The following RUNDC3B variants were observed in gnomAD, a reference collection of about 807,000 sequenced individuals.
The protein encoded by RUNDC3B is RUN domain containing 3B.
A neutral mutation model predicts 58.4 loss-of-function variants in RUNDC3B; 33 were observed. That is an observed-to-expected ratio of 0.56 (90% CI 0.43 to 0.75). The LOEUF is 0.75. Ranked by LOEUF, RUNDC3B falls within the 30% of genes least tolerant of loss-of-function variation. The pLI is 0.00. For missense variants in RUNDC3B, 501 were observed against 535.7 expected, an observed-to-expected ratio of 0.94 and a Z score of 0.64; for synonymous variants, 193 against 195.2, an observed-to-expected ratio of 0.99 and a Z score of 0.10.
chr7:87,812,661 T>C (rs1375815249), intron 9 of RUNDC3B, among the ~76,000 whole-genome samples: 1 of 152,156 alleles, frequency 6.6e-6, no homozygotes, highest in Non-Finnish European at 1.5e-5. Flanking sequence ...AAGGTAAAGA[T>C]TAAACTACAG....
chr7:87,822,525 A>T (rs1563233801), intron 10 of RUNDC3B, among the ~76,000 whole-genome samples: 1 of 152,242 alleles, frequency 6.6e-6, no homozygotes, highest in African/African-American at 2.4e-5. Flanking sequence ...TGACCCATCC[A>T]TCCCATTACT....
At chr7:87,688,735 G>A (rs1044390833) in intron 2 of RUNDC3B, among the ~76,000 whole-genome samples, 2 of 151,872 alleles carry the variant, frequency 1.3e-5, no homozygotes, top group East Asian at 1.9e-4. Context: ...TGTTTTGAAT[G>A]TCTAAAATTT....
intron 8 of RUNDC3B, among the ~76,000 whole-genome samples, chr7:87,799,900 A>G (rs1836038667): frequency 6.6e-6 from 1 of 151,994 alleles, no homozygotes; most frequent in Non-Finnish European, 1.5e-5. Flanking sequence ...AAAAAAAAAA[A>G]AAAAAAGAAT....
At chr7:87,748,861 G>A (rs1484924067) in intron 6 of RUNDC3B, among the ~76,000 whole-genome samples, 2 of 152,188 alleles carry the variant, frequency 1.3e-5, no homozygotes, top group Non-Finnish European at 2.9e-5. Flanking sequence ...TCTAATTTGG[G>A]TAAGTGGATT....
At chr7:87,710,680 A>C (rs531934112) in intron 4 of RUNDC3B, 25 bp downstream of exon 4, 1 of 1,303,404 alleles carries the variant, frequency 7.7e-7, no homozygotes, top group Non-Finnish European at 1.1e-6. Context: ...TTAATTTTCT[A>C]ATATATATTT....
chr7:87,810,094 A>G (rs1836631950), intron 9 of RUNDC3B, among the ~76,000 whole-genome samples: 1 of 152,152 alleles, frequency 6.6e-6, no homozygotes. Flanking sequence ...TGGGATGTCT[A>G]TAGCTATTTC....
At chr7:87,732,879 G>T (rs1270980715) in intron 4 of RUNDC3B, among the ~76,000 whole-genome samples, 1 of 152,164 alleles carries the variant, frequency 6.6e-6, no homozygotes, top group Admixed American at 6.5e-5. Flanking sequence ...AGTATAATGT[G>T]TGTGTAATTT....
At chr7:87,766,139 T>C (rs1430571015) in intron 6 of RUNDC3B, among the ~76,000 whole-genome samples, 1 of 152,170 alleles carries the variant, frequency 6.6e-6, no homozygotes, top group African/African-American at 2.4e-5. Flanking sequence ...TCCTGTTGCA[T>C]GATACATCTT....
intron 4 of RUNDC3B, among the ~76,000 whole-genome samples, chr7:87,712,818 A>G (rs780110003): frequency 9.9e-5 from 15 of 152,252 alleles, no homozygotes; most frequent in Middle Eastern, 6.8e-3. Flanking sequence ...TGTCATATAT[A>G]TGTATCTGAT....
chr7:87,686,051 A>G (rs1024903262), intron 2 of RUNDC3B, among the ~76,000 whole-genome samples: 3 of 152,196 alleles, frequency 2.0e-5, no homozygotes, highest in Non-Finnish European at 4.4e-5. Flanking sequence ...TGCTTTGGAA[A>G]TGAATCATAA....
intron 2 of RUNDC3B, among the ~76,000 whole-genome samples, chr7:87,695,564 G>C (rs1379000485): frequency 2.0e-5 from 3 of 151,998 alleles, no homozygotes; most frequent in Admixed American, 6.6e-5. Context: ...ATAGCTCAAA[G>C]GTAATAGTCT....
intron 2 of RUNDC3B, among the ~76,000 whole-genome samples, chr7:87,686,538 T>A (rs1264266419): frequency 6.6e-6 from 1 of 152,134 alleles, no homozygotes; most frequent in Admixed American, 6.5e-5. Context: ...AAAATAGAAA[T>A]TTAGCAGTAA....
At chr7:87,712,570 G>A (rs774546242) in intron 4 of RUNDC3B, among the ~76,000 whole-genome samples, 6 of 151,948 alleles carry the variant, frequency 3.9e-5, no homozygotes, top group Non-Finnish European at 5.9e-5. Context: ...TAAATTGTTA[G>A]TCTTGTTTCT....
At chr7:87,707,691 A>G (rs1829732665) in intron 3 of RUNDC3B, among the ~76,000 whole-genome samples, 1 of 151,896 alleles carries the variant, frequency 6.6e-6, no homozygotes, top group African/African-American at 2.4e-5. Context: ...AATAAAATAA[A>G]TAAATAAAAT....
At chr7:87,730,772 C>G (rs1831529227) in intron 4 of RUNDC3B, among the ~76,000 whole-genome samples, 2 of 151,996 alleles carry the variant, frequency 1.3e-5, no homozygotes, top group African/African-American at 4.8e-5. Context: ...AAGTGTTGTG[C>G]TGACTTTGGA....
At chr7:87,651,885 G>A (rs576121365) in intron 2 of RUNDC3B, among the ~76,000 whole-genome samples, 5 of 152,176 alleles carry the variant, frequency 3.3e-5, no homozygotes, top group Admixed American at 1.3e-4. Context: ...AATTTAAAAC[G>A]GGGTTTGTAA....
At position 87,828,652 on chromosome 7, in the gene RUNDC3B, CTT is replaced by C. The variant is rs542761258; in HGVS notation, c.1226-1231_1226-1230del. 1.9e-3 allele frequency among the ~76,000 whole-genome samples: 296 copies of C among 152,250 alleles called. 1 individual carries two copies. Among genetic ancestry groups the C allele is most frequent in the African/African-American group, 6.7e-3 (280 of 41,540 alleles). On this transcript the variant is annotated intron_variant, in intron 10 of 10. Transcript: ENST00000394654. ...ATGGGCTCCTAGGTTGATTCCATGTCTTTGCCATTGTGAATAGTGCTATGATG... is the reference window on the plus strand; with the variant it reads ...ATGGGCTCCTAGGTTGATTCCATGTCTGCCATTGTGAATAGTGCTATGATG...
chr7:87,677,744 A>G (rs1330171564), intron 2 of RUNDC3B, among the ~76,000 whole-genome samples: 2 of 152,224 alleles, frequency 1.3e-5, no homozygotes, highest in Non-Finnish European at 2.9e-5. Flanking sequence ...TAAACACATG[A>G]TAATCAAACT....
At chr7:87,713,528 GA>G (rs139628657) in intron 4 of RUNDC3B, among the ~76,000 whole-genome samples, 2 of 151,326 alleles carry the variant, frequency 1.3e-5, no homozygotes, top group East Asian at 3.9e-4. Context: ...ATGAGCAGTT[GA>G]AAAAACAAAC....
Sources: allele counts gnomAD v4.1 joint callset (sites outside exome capture counted in the v4.1 genomes callset), GRCh38; gene constraint gnomAD v4.1.1; transcripts MANE v1.5; gene names NCBI Gene and HGNC (gene_info 2026-07-23, HGNC 2026-07-21).